The following TKFC variants were observed in gnomAD, a reference collection of about 807,000 sequenced individuals.
TKFC encodes triokinase/FMN cyclase.
Under a neutral mutation model 61.0 loss-of-function variants are expected in TKFC, and 46 were observed. The ratio of observed to expected loss-of-function variants is 0.75; its 90% CI spans 0.60 to 0.96. The LOEUF (loss-of-function observed/expected upper bound fraction) is 0.96. TKFC is among the 50% of genes least tolerant of loss of function. The pLI is 0.00. For synonymous variants in TKFC, 314 were observed against 330.1 expected (o/e 0.95, Z 0.53); for missense variants, 715 against 777.5 (o/e 0.92, Z 0.96).
At chr11:61,345,204 G>C (rs1857061357) in intron 13 of TKFC, 56 bp from the exon 14 acceptor site, 1 of 1,426,368 alleles carries the variant, frequency 7.0e-7, no homozygotes, top group Admixed American at 2.3e-5. Flanking sequence ...CTGGCTGGAA[G>C]TCTGGCAGAT....
At chr11:61,342,024 A>G (rs1014217866) in intron 7 of TKFC, 112 bp downstream of exon 7, 3 of 1,063,158 alleles carry the variant, frequency 2.8e-6, no homozygotes, top group African/African-American at 1.6e-5. Context: ...TGGTCTTAGT[A>G]TTTTTACCTG....
chr11:61,353,067 G>C, downstream of TKFC: 1 of 1,614,172 alleles, frequency 6.2e-7, no homozygotes, highest in Non-Finnish European at 8.5e-7. Context: ...AAAAAGACGT[G>C]GATAGGTTTT....
chr11:61,343,644 A>G (rs1856972282), intron 11 of TKFC, 186 bp downstream of exon 11: 3 of 874,804 alleles, frequency 3.4e-6, no homozygotes, highest in Non-Finnish European at 5.3e-6. Flanking sequence ...TGGTATTAGG[A>G]TCCTCCTCAG....
At chr11:61,339,023 C>T (rs768353683) in intron 3 of TKFC, 43 bp from the exon 4 acceptor site, 18 of 1,562,374 alleles carry the variant, frequency 1.2e-5, no homozygotes, top group African/African-American at 1.4e-5. Flanking sequence ...ACTACAGGCG[C>T]GAGTCCCACC....
intron 3 of TKFC, among the ~76,000 whole-genome samples, chr11:61,338,537 C>A (rs1406310907): frequency 6.6e-6 from 1 of 152,164 alleles, no homozygotes; most frequent in Non-Finnish European, 1.5e-5. Flanking sequence ...CTGTGTGGAG[C>A]CAGGGACGCA....
At position 61,346,122 on chromosome 11, in the gene TKFC, C is replaced by A; in HGVS notation, c.1575+176C>A. 1 of 1,157,782 alleles carries A rather than the reference C, an allele frequency of 8.6e-7. No individual in the cohort carries two copies. Among genetic ancestry groups the A allele is most frequent in the African/African-American group, 1.5e-5 (1 of 64,614 alleles). 71.7% of individuals were successfully genotyped at this position (1,157,782 alleles called of 1,614,324 possible). A position where few individuals can be genotyped will look rare whatever the true frequency, so the allele number is the denominator to read the frequency against. On this transcript the variant is annotated intron_variant, in intron 17 of 17. Transcript: ENST00000394900. The surrounding 1 kb of genome is among the most constrained non-coding windows in gnomAD (Gnocchi z 4.1). ...TATGTGGCTAAGGAAATATGTAGAGCCCCGCACACTGCCTGGGATGTGACA... is the reference window on the plus strand; with the variant it reads ...TATGTGGCTAAGGAAATATGTAGAGACCCGCACACTGCCTGGGATGTGACA...
In TKFC at chr11:61,342,353, C is replaced by T; in HGVS notation, c.656-108C>T. ...TTATTCTGTCCATTTCCATCCCCCA[C>T]TCCCGCCCACTTACTGTGTGAGTCC... On this transcript the variant is annotated intron_variant, in intron 7 of 17. Transcript: ENST00000394900. 5.6e-6 allele frequency: 8 copies of T among 1,424,324 alleles called. No homozygotes were observed. The South Asian group carries it at 5.7e-5, about 10-fold the overall frequency. The allele number at this position is 1,424,324 out of a possible 1,614,324, so 88.2% of individuals were successfully genotyped here.
Position 61,348,066 on chromosome 11 carries a change from G to A in TKFC, c.*1563G>A. The A allele has an allele frequency of 2.0e-6, 2 of 985,436 alleles. No homozygotes were observed. Among genetic ancestry groups the A allele is most frequent in the South Asian group, 4.7e-5 (1 of 21,292 alleles). The allele number at this position is 985,436 out of a possible 1,614,324, so 61.0% of individuals were successfully genotyped here. ...GGCTTCTCTACCCAGGGTCCTGTCT[G>A]TCGGCTGCACCATACGTCCCTGACC... On this transcript the variant is annotated 3_prime_UTR_variant, in exon 18 of 18. Coordinates refer to ENST00000394900, the MANE Select transcript of TKFC (RefSeq NM_015533.4).
Position 61,339,157 on chromosome 11 carries a change from C to T in TKFC, c.285C>T (p.Ala95=), listed in dbSNP as rs139771453. Reference sequence around the variant, plus strand: ...GCAGCATCCTGGCAGCCATCAGGGCCGTGGCCCAGGCCGGCACAGGTAAGC... The same window carrying T: ...GCAGCATCCTGGCAGCCATCAGGGCTGTGGCCCAGGCCGGCACAGGTAAGC... ...AVGSILAAIR[A]VAQAGTVGTL... Residue 95 remains alanine, a synonymous_variant, in exon 4 of 18, where the codon GCC becomes GCT. Coordinates refer to ENST00000394900, the MANE Select transcript of TKFC (RefSeq NM_015533.4). 1.7e-4 allele frequency: 267 copies of T among 1,613,714 alleles called. 4 individuals carry two copies. In the East Asian group the frequency reaches 5.2e-3, roughly 32 times the overall value.
chr11:61,342,744 T>C lies in TKFC; in HGVS notation c.776-11T>C. Reference sequence around the variant, plus strand: ...AGAGGGTCTCACCTGGGGTGTCATGTCTACCCGCAGGCTCCTCAGTTGTGA... The same window carrying C: ...AGAGGGTCTCACCTGGGGTGTCATGCCTACCCGCAGGCTCCTCAGTTGTGA... On this transcript the variant is annotated splice_polypyrimidine_tract_variant and intron_variant, in intron 9 of 17. Transcript: ENST00000394900. The C allele has an allele frequency of 6.2e-7, 1 of 1,614,044 alleles. No homozygotes were observed. The highest frequency in any genetic ancestry group is 8.5e-7 in the Non-Finnish European group (1 of 1,180,020).
chr11:61,351,390 C>T (rs946160141), downstream of TKFC: 17 of 297,128 alleles, frequency 5.7e-5, no homozygotes, highest in African/African-American at 3.2e-4. Flanking sequence ...CCTGGGTTCA[C>T]GCCATTCTCC....
intron 13 of TKFC, among the ~76,000 whole-genome samples, chr11:61,344,494 G>A (rs1857022691): frequency 6.6e-6 from 1 of 151,502 alleles, no homozygotes; most frequent in African/African-American, 2.4e-5. Flanking sequence ...CTCCTGACTA[G>A]CTGAGATAAC....
intron 10 of TKFC, 177 bp from the exon 11 acceptor site, chr11:61,343,165 G>A (rs1240316712): frequency 1.6e-5 from 10 of 643,390 alleles, no homozygotes; most frequent in Non-Finnish European, 2.4e-5. Flanking sequence ...CGACGTAGGG[G>A]ACACCTCCAG....
At position 61,337,876 on chromosome 11, in the gene TKFC, G is replaced by A. The variant is rs1039071467; in HGVS notation, c.4-65G>A. On this transcript the variant is annotated intron_variant, in intron 2 of 17. Transcript: ENST00000394900. ...GAGGGGTCTACACCACAGCAGTGTGGCTGCGCAGGATGGGGGTATCTGTAC... is the reference window on the plus strand; with the variant it reads ...GAGGGGTCTACACCACAGCAGTGTGACTGCGCAGGATGGGGGTATCTGTAC... The A allele has an allele frequency of 5.7e-5, 84 of 1,461,430 alleles. 1 individual carries two copies. The highest frequency in any genetic ancestry group is 7.4e-5 in the Non-Finnish European group (81 of 1,092,094). 90.5% of individuals were successfully genotyped at this position (1,461,430 alleles called of 1,614,324 possible).
At chr11:61,341,948 T>C (rs1439676458) in intron 7 of TKFC, 36 bp downstream of exon 7, 1 of 1,589,500 alleles carries the variant, frequency 6.3e-7, no homozygotes, top group Admixed American at 1.7e-5. Context: ...CCCTGCCTGC[T>C]CCTTGGCCCT....
chr11:61,348,943 G>A lies in TKFC; in HGVS notation c.*2440G>A, dbSNP rs1857269626. 1 of 153,534 alleles carries A rather than the reference G, an allele frequency of 6.5e-6. No individual in the cohort carries two copies. The highest frequency in any genetic ancestry group is 2.4e-5 in the African/African-American group (1 of 41,468). 9.5% of individuals were successfully genotyped at this position (153,534 alleles called of 1,614,324 possible). On this transcript the variant is annotated 3_prime_UTR_variant, in exon 18 of 18. Coordinates refer to ENST00000394900, the MANE Select transcript of TKFC (RefSeq NM_015533.4). The stretch of plus-strand genomic sequence containing the variant: ...GGCTTTGAAGGCTCCAGCCAGTCAA[G>A]ACGGTCAATATTAGCCCTTCTGCCA...
At chr11:61,340,159 C>T (rs1465669130) in intron 5 of TKFC, among the ~76,000 whole-genome samples, 23 of 152,076 alleles carry the variant, frequency 1.5e-4, no homozygotes, top group Admixed American at 1.5e-3. Context: ...TACAAGGCGC[C>T]TGCCACCACG....
Position 61,346,126 on chromosome 11 carries a change from G to C in TKFC, c.1575+180G>C. The C allele has an allele frequency of 8.4e-7, 1 of 1,184,330 alleles. No homozygotes were observed. Among genetic ancestry groups the C allele is most frequent in the African/African-American group, 1.5e-5 (1 of 65,214 alleles). 73.4% of individuals were successfully genotyped at this position (1,184,330 alleles called of 1,614,324 possible). On this transcript the variant is annotated intron_variant, in intron 17 of 17. Transcript: ENST00000394900. This position sits in a 1 kb window ranked among gnomAD's most constrained non-coding sequence, Gnocchi z 4.1. The stretch of plus-strand genomic sequence containing the variant: ...TGGCTAAGGAAATATGTAGAGCCCC[G>C]CACACTGCCTGGGATGTGACAGGGC...
rs202013095 is a variant in TKFC at position 61,345,918 on chromosome 11, T to G, written c.1547T>G (p.Leu516Arg). Residue 516 changes from leucine to arginine, a missense_variant, in exon 17 of 18, where the codon CTG (leucine) becomes CGG (arginine). Transcript: ENST00000394900. ...LQAWKSPGAD[L>R]LQVLTKAVKS... ...GCCTGGAAGAGCCCAGGAGCTGATC[T>G]GTTACAAGTCCTGACCAAAGCAGTC... The G allele has an allele frequency of 7.1e-5, 115 of 1,614,038 alleles. No homozygotes were observed. Among genetic ancestry groups the G allele is most frequent in the Non-Finnish European group, 9.3e-5 (110 of 1,180,018 alleles).
Sources: gnomAD v4.1 joint callset for allele counts (sites outside exome capture counted in the v4.1 genomes callset) on GRCh38, gnomAD v4.1.1 for gene constraint, Gnocchi (gnomAD v3.1) non-coding constraint, MANE v1.5 for transcripts, NCBI Gene and HGNC (gene_info 2026-07-23, HGNC 2026-07-21) for gene names.